Variants in KCNQ3 observed in about 807,000 individuals in gnomAD.
The protein encoded by KCNQ3 is potassium voltage-gated channel subfamily Q member 3.
KCNQ3 carries 30 observed loss-of-function variants against 92.5 expected under a neutral mutation model. The observed-to-expected ratio is 0.32, with a 90% CI of 0.24 to 0.44. The LOEUF is 0.44. Among genes scored for constraint, KCNQ3 ranks in the 20% least tolerant of loss-of-function variants. KCNQ3 has a pLI of 1.00. For missense variants in KCNQ3, 913 were observed against 1,140.3 expected, an observed-to-expected ratio of 0.80 and a Z score of 2.87; for synonymous variants, 450 against 468.8, an observed-to-expected ratio of 0.96 and a Z score of 0.52.
At chr8:132,154,191 AAGTTT>A (rs1563775812) in intron 9 of KCNQ3, among the ~76,000 whole-genome samples, 2 of 15,036 alleles carry the variant, frequency 1.3e-4, no homozygotes, top group African/African-American at 3.2e-4. Context: ...AAAAGGGTAA[AAGTTT>A]TTTTTTTTTT....
chr8:132,388,450 C>A, intron 1 of KCNQ3, among the ~76,000 whole-genome samples: 1 of 151,864 alleles, frequency 6.6e-6, no homozygotes, highest in African/African-American at 2.4e-5. Context: ...AATAGGGTAC[C>A]GATTAAAAAC....
chr8:132,173,800 A>G (rs1826460344), intron 6 of KCNQ3, among the ~76,000 whole-genome samples: 1 of 152,214 alleles, frequency 6.6e-6, no homozygotes. Flanking sequence ...ATAAGCCAGT[A>G]AGTAACAGGA....
intron 1 of KCNQ3, among the ~76,000 whole-genome samples, chr8:132,442,627 C>G (rs952964117): frequency 6.6e-6 from 1 of 152,164 alleles, no homozygotes; most frequent in Non-Finnish European, 1.5e-5. Context: ...AGATTTTCTC[C>G]TAGTTCCCCA....
At chr8:132,271,485 C>G (rs1052008701) in intron 1 of KCNQ3, among the ~76,000 whole-genome samples, 1 of 152,078 alleles carries the variant, frequency 6.6e-6, no homozygotes, top group Non-Finnish European at 1.5e-5. Context: ...TCCATAGTAG[C>G]CTTGGCTGCC....
intron 1 of KCNQ3, among the ~76,000 whole-genome samples, chr8:132,272,876 A>G (rs1816197066): frequency 6.6e-6 from 1 of 152,186 alleles, no homozygotes; most frequent in African/African-American, 2.4e-5. Context: ...CTCACATTTC[A>G]AAACCAATCA....
At chr8:132,172,541 G>A (rs1194229832) in intron 7 of KCNQ3, 57 bp downstream of exon 7, 203 of 1,432,090 alleles carry the variant, frequency 1.4e-4, no homozygotes, top group South Asian at 8.0e-5. Flanking sequence ...ACACACACAC[G>A]TATGTACATA....
intron 1 of KCNQ3, among the ~76,000 whole-genome samples, chr8:132,413,744 T>C (rs1236428141): frequency 6.6e-6 from 1 of 152,218 alleles, no homozygotes; most frequent in Non-Finnish European, 1.5e-5. Context: ...TTGTCACATA[T>C]GGCACAGGCA....
intron 1 of KCNQ3, among the ~76,000 whole-genome samples, chr8:132,283,246 C>T (rs2130534564): frequency 8.7e-6 from 1 of 115,466 alleles, no homozygotes; most frequent in Admixed American, 9.9e-5. Flanking sequence ...TAAATGGAGG[C>T]TCAGAGAGGC....
chr8:132,447,137 G>C, intron 1 of KCNQ3: 1 of 1,383,180 alleles, frequency 7.2e-7, no homozygotes. Flanking sequence ...CTCCCCCTGG[G>C]ACTCTGAGTC....
At chr8:132,165,671 T>C (rs1294756925) in intron 8 of KCNQ3, among the ~76,000 whole-genome samples, 1 of 152,214 alleles carries the variant, frequency 6.6e-6, no homozygotes, top group Non-Finnish European at 1.5e-5. Context: ...ATCTTACTTT[T>C]ATCCAGTTTT....
chr8:132,387,325 A>G (rs950925271), intron 1 of KCNQ3, among the ~76,000 whole-genome samples: 3 of 152,220 alleles, frequency 2.0e-5, no homozygotes, highest in African/African-American at 7.2e-5. Flanking sequence ...TCACCTTAAT[A>G]GATATCTAAC....
chr8:132,247,692 G>A (rs1815226793), intron 1 of KCNQ3, among the ~76,000 whole-genome samples: 1 of 151,888 alleles, frequency 6.6e-6, no homozygotes, highest in African/African-American at 2.4e-5. Flanking sequence ...CAGCTACTCG[G>A]GAGGCTGAGG....
intron 1 of KCNQ3, among the ~76,000 whole-genome samples, chr8:132,402,012 T>C (rs1280529286): frequency 1.3e-5 from 2 of 152,198 alleles, no homozygotes; most frequent in African/African-American, 4.8e-5. Flanking sequence ...GGAAGGAGGC[T>C]GTGCCTGGGT....
intron 1 of KCNQ3, among the ~76,000 whole-genome samples, chr8:132,443,983 A>G (rs1360657098): frequency 6.6e-6 from 1 of 152,152 alleles, no homozygotes; most frequent in East Asian, 1.9e-4. Flanking sequence ...AGCACAGTTC[A>G]TTGCCCCCTT....
intron 1 of KCNQ3, among the ~76,000 whole-genome samples, chr8:132,189,919 G>C (rs1397740507): frequency 6.8e-6 from 1 of 148,034 alleles, no homozygotes; most frequent in Non-Finnish European, 1.5e-5. Flanking sequence ...GAGAGAGAGA[G>C]AGAGAAGAGG....
intron 1 of KCNQ3, among the ~76,000 whole-genome samples, chr8:132,295,914 T>C (rs530933808): frequency 1.3e-4 from 20 of 152,076 alleles, no homozygotes; most frequent in Non-Finnish European, 2.2e-4. Context: ...TCAGGATAAA[T>C]AGCTAATGCA....
intron 1 of KCNQ3, among the ~76,000 whole-genome samples, 198 bp downstream of exon 1, chr8:132,479,949 A>AACACACACACACACACACACAC (rs371967111): frequency 1.9e-4 from 26 of 137,174 alleles, no homozygotes; most frequent in East Asian, 9.6e-4. Context: ...GGAGAGCGGC[A>AACACACACACACACACACACAC]ACACACACAC....
intron 9 of KCNQ3, among the ~76,000 whole-genome samples, chr8:132,142,616 C>A (rs1825331315): frequency 6.6e-6 from 1 of 152,190 alleles, no homozygotes; most frequent in South Asian, 2.1e-4. Flanking sequence ...AATGCAGCAG[C>A]TTCTGCTCCC....
At chr8:132,448,620 C>A (rs1480224530) in intron 1 of KCNQ3, among the ~76,000 whole-genome samples, 1 of 151,502 alleles carries the variant, frequency 6.6e-6, no homozygotes, top group East Asian at 1.9e-4. Flanking sequence ...TATTTTATAG[C>A]TAGGAAAAAC....
Sources: gnomAD v4.1 joint callset for allele counts (sites outside exome capture counted in the v4.1 genomes callset) on GRCh38, gnomAD v4.1.1 for gene constraint, MANE v1.5 for transcripts, NCBI Gene and HGNC (gene_info 2026-07-23, HGNC 2026-07-21) for gene names.